The following EP400 variants were observed in gnomAD, a reference collection of about 807,000 sequenced individuals.
EP400 encodes the protein E1A-binding protein p400.
EP400 carries 105 observed loss-of-function variants against 354.1 expected under a neutral mutation model. The observed-to-expected ratio is 0.30, with a 90% CI of 0.25 to 0.35. EP400 has a LOEUF of 0.35. Among genes scored for constraint, EP400 ranks in the 10% least tolerant of loss-of-function variants. EP400 has a pLI of 1.00. For missense variants in EP400, 3,280 were observed against 4,121.0 expected, an observed-to-expected ratio of 0.80 and a Z score of 5.59; for synonymous variants, 1,646 against 1,716.9, an observed-to-expected ratio of 0.96 and a Z score of 1.02.
intron 1 of EP400, among the ~76,000 whole-genome samples, chr12:131,958,818 G>A (rs2136463769): frequency 6.6e-6 from 1 of 152,264 alleles, no homozygotes; most frequent in East Asian, 1.9e-4. Flanking sequence ...ACCATGCCTG[G>A]CCATTTTTTA....
intron 15 of EP400, among the ~76,000 whole-genome samples, chr12:132,007,367 T>C (rs1201781576): frequency 6.6e-6 from 1 of 152,264 alleles, no homozygotes; most frequent in Non-Finnish European, 1.5e-5. Flanking sequence ...CTGCTCAGGT[T>C]CCTTAGGGAA....
intron 51 of EP400, among the ~76,000 whole-genome samples, chr12:132,073,213 T>A (rs1047730977): frequency 6.8e-6 from 1 of 146,118 alleles, no homozygotes; most frequent in African/African-American, 2.5e-5. Flanking sequence ...CTTGCCTTCT[T>A]TTGGGCCACC....
At chr12:132,011,469 C>A (rs185980892) in intron 15 of EP400, 29 bp from the exon 16 acceptor site, 2 of 1,610,992 alleles carry the variant, frequency 1.2e-6, no homozygotes, top group Admixed American at 1.7e-5. Flanking sequence ...GATACTTTGA[C>A]GTGGAAAATT....
chr12:132,052,689 CTAA>C lies in EP400; in HGVS notation c.7395-454_7395-452del, dbSNP rs1895338493. 6.6e-6 allele frequency among the ~76,000 whole-genome samples: 1 copy of C among 151,938 alleles called. No homozygotes were observed. The highest frequency in any genetic ancestry group is 1.9e-4 in the East Asian group (1 of 5,162). The stretch of plus-strand genomic sequence containing the variant: ...TTAAATGAAGAGTTAATTCACCCTA[CTAA>C]TATTTATGGACCGCGGGCCTGCGCG... On this transcript the variant is annotated intron_variant, in intron 41 of 52. Transcript: ENST00000389561. The surrounding 1 kb of genome is among the most constrained non-coding windows in gnomAD (Gnocchi z 4.4).
At chr12:131,996,824 T>A (rs1893232067) in intron 12 of EP400, among the ~76,000 whole-genome samples, 1 of 152,210 alleles carries the variant, frequency 6.6e-6, no homozygotes, top group Non-Finnish European at 1.5e-5. Flanking sequence ...TTTCTTTCCT[T>A]ATTGACTTGT....
At chr12:132,065,082 A>T (rs929858304) in intron 48 of EP400, 196 bp downstream of exon 48, 17 of 1,030,538 alleles carry the variant, frequency 1.6e-5, no homozygotes, top group Non-Finnish European at 2.0e-5. Flanking sequence ...AGCAGCTCCC[A>T]GAGCCCATCC....
chr12:131,969,565 C>T (rs1892219734), intron 2 of EP400, among the ~76,000 whole-genome samples: 1 of 152,116 alleles, frequency 6.6e-6, no homozygotes, highest in African/African-American at 2.4e-5. Flanking sequence ...TCCGACATAC[C>T]TCTCTTACTT....
In EP400 at chr12:132,005,179, A is replaced by C. The variant is rs975417468; in HGVS notation, c.2930A>C (p.Glu977Ala). The C allele has an allele frequency of 1.3e-6, 2 of 1,570,758 alleles. No individual in the cohort carries two copies. The highest frequency in any genetic ancestry group is 1.7e-6 in the Non-Finnish European group (2 of 1,157,386). Reference sequence around the variant, plus strand: ...CCTGATGGGGAGGACACAAGCGGAGAGGAAGGTGCGCTCCCAGCCTTTGGA... The same window carrying C: ...CCTGATGGGGAGGACACAAGCGGAGCGGAAGGTGCGCTCCCAGCCTTTGGA... Reference protein sequence around the residue: ...PKPDGEDTSGEEDADDCPGDR... With the variant: ...PKPDGEDTSGAEDADDCPGDR... The change falls in exon 13 of 53, where the codon GAG becomes GCG. Residue 977 changes from glutamate (E) to alanine (A), a missense_variant. Glu to Ala is a moderately radical substitution (Grantham distance 107). This residue lies in a region of EP400 where 800 missense variants were observed against 840.0 expected (regional missense o/e 0.95). Coordinates refer to ENST00000389561, the MANE Select transcript of EP400 (RefSeq NM_015409.5).
chr12:131,978,294 C>T (rs559582517), intron 2 of EP400, among the ~76,000 whole-genome samples: 3 of 152,304 alleles, frequency 2.0e-5, no homozygotes, highest in South Asian at 2.1e-4. Context: ...CCCCACCAGA[C>T]GGTGCATTTG....
intron 32 of EP400, among the ~76,000 whole-genome samples, chr12:132,040,969 G>C (rs1444848718): frequency 6.6e-6 from 1 of 152,196 alleles, no homozygotes; most frequent in East Asian, 1.9e-4. Flanking sequence ...TGGTGAGCAA[G>C]GCTGGTGAGG....
At chr12:131,960,121 A>G (rs1891829406) in intron 1 of EP400, among the ~76,000 whole-genome samples, 1 of 152,218 alleles carries the variant, frequency 6.6e-6, no homozygotes, top group African/African-American at 2.4e-5. Flanking sequence ...GACGGGCGGA[A>G]GCCGGAAAGT....
chr12:131,952,506 A>G (rs929612146), intron 1 of EP400, among the ~76,000 whole-genome samples: 2 of 151,910 alleles, frequency 1.3e-5, no homozygotes, highest in Admixed American at 1.3e-4. Context: ...TCTGTCACCC[A>G]GGCTGGAGTG....
chr12:131,992,942 A>G (rs1296010974), intron 11 of EP400, among the ~76,000 whole-genome samples: 1 of 152,152 alleles, frequency 6.6e-6, no homozygotes, highest in African/African-American at 2.4e-5. Flanking sequence ...GATCTTTGCT[A>G]TGTGTTGATT....
intron 32 of EP400, among the ~76,000 whole-genome samples, chr12:132,040,425 C>T (rs532615122): frequency 3.9e-5 from 6 of 152,204 alleles, no homozygotes; most frequent in South Asian, 2.1e-4. Context: ...TCGTGTTCAT[C>T]GCAGCACTGT....
At position 132,018,273 on chromosome 12, in the gene EP400, G is replaced by C; in HGVS notation, c.4174G>C (p.Glu1392Gln). ...LENKITRHEAELLSKKKIPRK... is the reference protein window; with the variant it reads ...LENKITRHEAQLLSKKKIPRK... ...AAATAAAATCACTCGTCACGAGGCA[G>C]AGTTGCTGTCTAAGAAAAAGATACC... The change falls in exon 21 of 53, where the codon GAG becomes CAG. Residue 1392 changes from glutamate to glutamine, a missense_variant. Glu to Gln is a conservative substitution (Grantham distance 29). Transcript: ENST00000389561. The surrounding 1 kb of genome is among the most constrained non-coding windows in gnomAD (Gnocchi z 4.0). The C allele has an allele frequency of 1.9e-6, 3 of 1,613,904 alleles. No individual in the cohort carries two copies. Among genetic ancestry groups the C allele is most frequent in the Non-Finnish European group, 2.5e-6 (3 of 1,179,968 alleles).
rs755559280 is a variant in EP400, at chr12:132,013,070, G to T, written c.3503G>T (p.Gly1168Val). 6.2e-7 allele frequency: 1 copy of T among 1,614,082 alleles called. No individual in the cohort carries two copies. The highest frequency in any genetic ancestry group is 8.5e-7 in the Non-Finnish European group (1 of 1,180,032). ...CITSYTQFFR[G>V]LTAFTRVRWK... ...ACGTCCTACACTCAGTTCTTCCGGG[G>T]CCTCACCGCCTTCACACGAGTGCGC... The change falls in exon 17 of 53, where the codon GGC becomes GTC. Residue 1168 changes from glycine (G) to valine (V), a missense_variant. Transcript: ENST00000389561. The surrounding 1 kb of genome is among the most constrained non-coding windows in gnomAD (Gnocchi z 4.5).
rs775048079 is a variant in EP400, at chr12:132,043,747, G to T, written c.6450+19G>T. 47 of 1,581,574 alleles carry T rather than the reference G, an allele frequency of 3.0e-5. No homozygotes were observed. The highest frequency in any genetic ancestry group is 3.9e-5 in the Non-Finnish European group (45 of 1,168,228). ...CAGTGAGGTAAGAGAATCAACTTTTGGTCAGTGAAAAAAATTTGCAATATT... is the reference window on the plus strand; with the variant it reads ...CAGTGAGGTAAGAGAATCAACTTTTTGTCAGTGAAAAAAATTTGCAATATT... On this transcript the variant is annotated intron_variant, in intron 34 of 52. Coordinates refer to ENST00000389561, the MANE Select transcript of EP400 (RefSeq NM_015409.5).
At chr12:132,073,917 G>C (rs1344455604) in intron 51 of EP400, among the ~76,000 whole-genome samples, 21 of 131,946 alleles carry the variant, frequency 1.6e-4, no homozygotes, top group African/African-American at 6.5e-4. Flanking sequence ...TTGTTTTTTG[G>C]GGTTTTTTTT....
In EP400 at chr12:132,070,889, T is replaced by A. The variant is rs550450678; in HGVS notation, c.9021+1248T>A. Among the ~76,000 whole-genome samples, 2 of 152,360 alleles carry A rather than the reference T, an allele frequency of 1.3e-5. No individual in the cohort carries two copies. Among genetic ancestry groups the A allele is most frequent in the South Asian group, 4.1e-4 (2 of 4,832 alleles). ...CTGTTGTACATTTTTGTACATTAGT[T>A]TTTTATTCTGGCCGCCTTGCTAGAT... On this transcript the variant is annotated intron_variant, in intron 51 of 52. Transcript: ENST00000389561. This position sits in a 1 kb window ranked among gnomAD's most constrained non-coding sequence, Gnocchi z 4.1.
Sources: allele counts gnomAD v4.1 joint callset (sites outside exome capture counted in the v4.1 genomes callset), GRCh38; gene constraint gnomAD v4.1.1; regional missense constraint gnomAD v4.1.1; non-coding constraint Gnocchi (gnomAD v3.1); transcripts MANE v1.5; gene names NCBI Gene and HGNC (gene_info 2026-07-23, HGNC 2026-07-21).